The following PRKN variants were observed in gnomAD, a reference collection of about 807,000 sequenced individuals.
PRKN encodes the protein E3 ubiquitin-protein ligase parkin.
PRKN carries 56 observed loss-of-function variants against 59.5 expected under a neutral mutation model. That is an observed-to-expected ratio of 0.94 (90% CI 0.76 to 1.18). The LOEUF is 1.18. PRKN is among the 50% of genes most tolerant of loss of function. The probability of loss-of-function intolerance (pLI) is 0.00; values close to 1 mark genes in which losing one functional copy is unlikely to be tolerated. For missense variants in PRKN, 657 were observed against 596.4 expected (o/e 1.10, Z -1.06); for synonymous variants, 250 against 222.1 (o/e 1.13, Z -1.12).
intron 1 of PRKN, among the ~76,000 whole-genome samples, chr6:162,683,913 T>C (rs957590161): frequency 6.6e-6 from 1 of 152,138 alleles, no homozygotes; most frequent in Non-Finnish European, 1.5e-5. Context: ...CTTAGGTGGA[T>C]AAATGTTTAA....
At chr6:162,049,748 A>T (rs1363178323) in intron 5 of PRKN, among the ~76,000 whole-genome samples, 1 of 152,054 alleles carries the variant, frequency 6.6e-6, no homozygotes, top group East Asian at 1.9e-4. Context: ...AGATTTTTAG[A>T]GTTATATTTT....
chr6:162,204,244 A>G (rs1784844876), intron 3 of PRKN, among the ~76,000 whole-genome samples: 1 of 152,182 alleles, frequency 6.6e-6, no homozygotes, highest in African/African-American at 2.4e-5. Context: ...CAAGCTAATA[A>G]AAGATGACAA....
chr6:161,746,411 G>A (rs1023138145), intron 7 of PRKN, among the ~76,000 whole-genome samples: 6 of 151,718 alleles, frequency 4.0e-5, no homozygotes, highest in African/African-American at 1.2e-4. Flanking sequence ...CTGGGTCTAA[G>A]TCCAGAATCC....
chr6:162,149,704 G>A (rs903875950), intron 4 of PRKN, among the ~76,000 whole-genome samples: 1 of 152,078 alleles, frequency 6.6e-6, no homozygotes, highest in African/African-American at 2.4e-5. Flanking sequence ...CACTATCAGG[G>A]GCCAGAAATG....
chr6:162,327,589 C>T (rs1212777190), intron 2 of PRKN, among the ~76,000 whole-genome samples: 1 of 133,238 alleles, frequency 7.5e-6, no homozygotes, highest in Non-Finnish European at 1.7e-5. Context: ...GTTTTCTCTA[C>T]AGTTTCAATG....
At chr6:162,071,048 C>T (rs929447425) in intron 4 of PRKN, among the ~76,000 whole-genome samples, 1 of 152,108 alleles carries the variant, frequency 6.6e-6, no homozygotes, top group African/African-American at 2.4e-5. Context: ...AGTCACAGAG[C>T]TCAGATGTGC....
intron 2 of PRKN, among the ~76,000 whole-genome samples, chr6:162,418,890 T>C (rs1438058540): frequency 6.6e-6 from 1 of 151,632 alleles, no homozygotes; most frequent in Non-Finnish European, 1.5e-5. Flanking sequence ...GCTAGAATCA[T>C]CTGCGAGGGT....
At chr6:161,680,830 C>A (rs1785334288) in intron 7 of PRKN, among the ~76,000 whole-genome samples, 1 of 138,338 alleles carries the variant, frequency 7.2e-6, no homozygotes, top group Non-Finnish European at 1.5e-5. Context: ...AAGCAGCTTA[C>A]TTGTGGAAAT....
chr6:162,521,252 C>T (rs567880771), intron 1 of PRKN, among the ~76,000 whole-genome samples: 1 of 152,162 alleles, frequency 6.6e-6, no homozygotes, highest in African/African-American at 2.4e-5. Context: ...TTTTCCAAAA[C>T]TATAAGCAAG....
chr6:162,133,083 T>C (rs1404296518), intron 4 of PRKN, among the ~76,000 whole-genome samples: 1 of 152,052 alleles, frequency 6.6e-6, no homozygotes, highest in Non-Finnish European at 1.5e-5. Context: ...ACTGTGAATG[T>C]GATGGGCAGG....
rs1792616521 is a variant in PRKN at position 162,487,801 on chromosome 6, T to TA, written c.8-44329dup. ...TTTTATAAAATAACGCCTGGCTGGG[T>TA]ATGAGGACTCATGCCTCTAATCCCA... On this transcript the variant is annotated intron_variant, in intron 1 of 11. Coordinates refer to ENST00000366898, the MANE Select transcript of PRKN (RefSeq NM_004562.3). Among the ~76,000 whole-genome samples, 3 of 152,192 alleles carry TA rather than the reference T, an allele frequency of 2.0e-5. No homozygotes were observed. The South Asian group carries it at 6.2e-4, about 32-fold the overall frequency.
intron 4 of PRKN, among the ~76,000 whole-genome samples, chr6:162,134,172 T>C (rs921969909): frequency 3.3e-5 from 5 of 152,220 alleles, no homozygotes; most frequent in South Asian, 2.1e-4. Flanking sequence ...CAAGACAGCA[T>C]GGGAACTGGT....
rs1491297403 is a variant in PRKN, at chr6:161,554,732, G to GTA, written c.934-5730_934-5729insTA. On this transcript the variant is annotated intron_variant, in intron 8 of 11. Coordinates refer to ENST00000366898, the MANE Select transcript of PRKN (RefSeq NM_004562.3). The surrounding 1 kb of genome is among the most constrained non-coding windows in gnomAD (Gnocchi z 4.5). ...AGGGATTGTGTGTGTGTGTGTGTGT[G>GTA]TGTATATATATATATATATATACAT... Among the ~76,000 whole-genome samples the GTA allele has an allele frequency of 4.9e-3, 595 of 120,316 alleles. 2 individuals are homozygous for GTA. Among genetic ancestry groups the GTA allele is most frequent in the African/African-American group, 6.3e-3 (200 of 31,838 alleles). The allele number at this position is 120,316 out of a possible 152,430, so 78.9% of individuals were successfully genotyped here.
chr6:162,534,266 C>A (rs1408114104), intron 1 of PRKN, among the ~76,000 whole-genome samples: 1 of 152,152 alleles, frequency 6.6e-6, no homozygotes, highest in Non-Finnish European at 1.5e-5. Context: ...TAGGCGTACT[C>A]TCTAAGCTAC....
chr6:162,564,296 G>T (rs1056878365), intron 1 of PRKN, among the ~76,000 whole-genome samples: 5 of 151,510 alleles, frequency 3.3e-5, no homozygotes, highest in Non-Finnish European at 7.4e-5. Flanking sequence ...AGTGAGCTGA[G>T]ATAACACCAC....
At chr6:162,043,462 T>A (rs1784140693) in intron 5 of PRKN, among the ~76,000 whole-genome samples, 2 of 152,170 alleles carry the variant, frequency 1.3e-5, no homozygotes, top group Admixed American at 1.3e-4. Flanking sequence ...AAATGATCAG[T>A]GAAATTTCAA....
chr6:162,057,062 G>T (rs192270097), intron 4 of PRKN, among the ~76,000 whole-genome samples: 138 of 152,194 alleles, frequency 9.1e-4, no homozygotes, highest in African/African-American at 3.1e-3. Context: ...GAATCTGGAG[G>T]GGGGAGGTGG....
chr6:161,759,718 T>C (rs111508406), intron 7 of PRKN, among the ~76,000 whole-genome samples: 1,831 of 152,292 alleles, frequency 0.012, 26 homozygotes, highest in Middle Eastern at 0.041. Flanking sequence ...AGTTTTCCCA[T>C]TGTCTGGCTT....
intron 9 of PRKN, among the ~76,000 whole-genome samples, chr6:161,452,802 G>T (rs538704726): frequency 6.6e-6 from 1 of 152,018 alleles, no homozygotes; most frequent in East Asian, 1.9e-4. Flanking sequence ...CCATAGTGAT[G>T]ATTCCATAAC....
Sources: gnomAD v4.1 joint callset for allele counts (sites outside exome capture counted in the v4.1 genomes callset) on GRCh38, gnomAD v4.1.1 for gene constraint, Gnocchi (gnomAD v3.1) non-coding constraint, MANE v1.5 for transcripts, NCBI Gene and HGNC (gene_info 2026-07-23, HGNC 2026-07-21) for gene names.